HSPA12A: variants seen among roughly 807,000 people sequenced by gnomAD.
HSPA12A encodes the protein heat shock protein family A (Hsp70) member 12A.
In HSPA12A, 28 loss-of-function variants were observed where a neutral mutation model predicts 69.2. The observed-to-expected ratio is 0.40, with a 90% CI of 0.30 to 0.55. The LOEUF is 0.55. Ranked by LOEUF, HSPA12A falls within the 20% of genes least tolerant of loss-of-function variation. The pLI, the probability that HSPA12A is intolerant of heterozygous loss-of-function variation, is 0.38. For missense variants in HSPA12A, 686 were observed against 900.7 expected (o/e 0.76, Z 3.05); for synonymous variants, 345 against 370.5 (o/e 0.93, Z 0.79).
At chr10:116,836,628 A>G (rs1032430530) in intron 1 of HSPA12A, among the ~76,000 whole-genome samples, 3 of 152,238 alleles carry the variant, frequency 2.0e-5, no homozygotes, top group Non-Finnish European at 2.9e-5. Flanking sequence ...GCAGAAGAGA[A>G]CAGTCTTTGC....
chr10:116,770,018 T>C (rs1328746942), intron 2 of HSPA12A, among the ~76,000 whole-genome samples: 1 of 152,158 alleles, frequency 6.6e-6, no homozygotes, highest in South Asian at 2.1e-4. Context: ...ATTTGGGCCA[T>C]TCCTCTGACT....
intron 2 of HSPA12A, among the ~76,000 whole-genome samples, chr10:116,809,968 C>G (rs1287529111): frequency 6.6e-6 from 1 of 152,120 alleles, no homozygotes; most frequent in African/African-American, 2.4e-5. Flanking sequence ...GGGGAAGACA[C>G]GGGTTGGTTT....
chr10:116,752,140 G>A (rs574774580), intron 2 of HSPA12A, among the ~76,000 whole-genome samples: 1 of 152,194 alleles, frequency 6.6e-6, no homozygotes, highest in Admixed American at 6.5e-5. Context: ...TGGGGACGTT[G>A]GGGGTGGTGA....
At chr10:116,705,996 C>T (rs577383908) in intron 2 of HSPA12A, among the ~76,000 whole-genome samples, 24 of 150,470 alleles carry the variant, frequency 1.6e-4, no homozygotes, top group Non-Finnish European at 2.8e-4. Flanking sequence ...CCCGGGTTCA[C>T]GCCCTTCTCC....
At chr10:116,738,093 C>T (rs1554886605) in intron 1 of HSPA12A, among the ~76,000 whole-genome samples, 1 of 152,176 alleles carries the variant, frequency 6.6e-6, no homozygotes, top group East Asian at 1.9e-4. Context: ...TCTCCCTTAC[C>T]AAAGAGGCCT....
intron 5 of HSPA12A, among the ~76,000 whole-genome samples, chr10:116,695,459 G>A (rs138152160): frequency 0.012 from 1,780 of 151,984 alleles, 31 homozygotes; most frequent in African/African-American, 0.039. Flanking sequence ...CAAGGTGGGC[G>A]GATCATGAGG....
intron 1 of HSPA12A, among the ~76,000 whole-genome samples, chr10:116,728,880 G>A (rs1429838349): frequency 3.3e-5 from 5 of 152,194 alleles, no homozygotes; most frequent in South Asian, 2.1e-4. Flanking sequence ...GGGCAGGTGC[G>A]GGGAGCCTTC....
At chr10:116,766,966 G>A (rs782657269) in intron 2 of HSPA12A, among the ~76,000 whole-genome samples, 5 of 152,184 alleles carry the variant, frequency 3.3e-5, no homozygotes, top group East Asian at 1.9e-4. Context: ...CAAGCCCATC[G>A]CGGAGGGGAA....
intron 6 of HSPA12A, among the ~76,000 whole-genome samples, chr10:116,687,981 A>G (rs1458038597): frequency 6.6e-6 from 1 of 151,574 alleles, no homozygotes; most frequent in African/African-American, 2.4e-5. Flanking sequence ...AAACATGATG[A>G]GTTTTTTTTT....
At chr10:116,695,479 C>T (rs916313859) in intron 5 of HSPA12A, among the ~76,000 whole-genome samples, 1 of 151,876 alleles carries the variant, frequency 6.6e-6, no homozygotes, top group African/African-American at 2.4e-5. Context: ...GTCAGGAGTT[C>T]GAGACCATCC....
chr10:116,754,085 G>A (rs1232523926), intron 2 of HSPA12A, among the ~76,000 whole-genome samples: 1 of 152,192 alleles, frequency 6.6e-6, no homozygotes, highest in East Asian at 1.9e-4. Flanking sequence ...TCAGCTATGA[G>A]CAATTTAGTC....
intron 5 of HSPA12A, among the ~76,000 whole-genome samples, chr10:116,695,390 A>G (rs1465813114): frequency 6.6e-6 from 1 of 152,164 alleles, no homozygotes; most frequent in African/African-American, 2.4e-5. Context: ...TGCTGCCATA[A>G]AAAGGGCTTG....
chr10:116,771,960 C>T (rs1166311474), intron 2 of HSPA12A, among the ~76,000 whole-genome samples: 4 of 152,170 alleles, frequency 2.6e-5, no homozygotes, highest in Non-Finnish European at 5.9e-5. Flanking sequence ...ACGGCCACAC[C>T]TGAACAGTCC....
intron 1 of HSPA12A, among the ~76,000 whole-genome samples, chr10:116,730,535 T>C (rs1277821602): frequency 6.6e-6 from 1 of 152,230 alleles, no homozygotes; most frequent in African/African-American, 2.4e-5. Flanking sequence ...ACTCGGCTAG[T>C]CAGAGGTGGC....
At chr10:116,828,572 G>A (rs1404200241) in intron 2 of HSPA12A, among the ~76,000 whole-genome samples, 1 of 152,202 alleles carries the variant, frequency 6.6e-6, no homozygotes, top group African/African-American at 2.4e-5. Flanking sequence ...TTGCCTTGCA[G>A]AACCCCAAAG....
chr10:116,747,126 C>T (rs1202848282), upstream of HSPA12A, among the ~76,000 whole-genome samples: 1 of 152,338 alleles, frequency 6.6e-6, no homozygotes, highest in East Asian at 1.9e-4. Flanking sequence ...ACATCCTCCC[C>T]ACCTCACTGG....
At chr10:116,827,914 G>A (rs1446477636) in intron 2 of HSPA12A, among the ~76,000 whole-genome samples, 1 of 152,164 alleles carries the variant, frequency 6.6e-6, no homozygotes, top group East Asian at 1.9e-4. Flanking sequence ...TTCTCCTGCT[G>A]CATATAGATA....
At chr10:116,772,763 C>T (rs1314639100) in intron 2 of HSPA12A, among the ~76,000 whole-genome samples, 14 of 151,974 alleles carry the variant, frequency 9.2e-5, no homozygotes, top group Admixed American at 8.5e-4. Context: ...GGTGTGATCA[C>T]GGCTCACTGC....
chr10:116,836,522 T>C (rs144080000), intron 1 of HSPA12A, among the ~76,000 whole-genome samples: 13 of 152,312 alleles, frequency 8.5e-5, no homozygotes, highest in African/African-American at 9.6e-5. Flanking sequence ...TATAAAGTAA[T>C]TGCCTGTAAA....
Sources: allele counts gnomAD v4.1 joint callset (sites outside exome capture counted in the v4.1 genomes callset), GRCh38; gene constraint gnomAD v4.1.1; transcripts MANE v1.5; gene names NCBI Gene and HGNC (gene_info 2026-07-23, HGNC 2026-07-21).